The following CHD7 variants were observed in gnomAD, a reference collection of about 807,000 sequenced individuals.
CHD7 encodes ATP-dependent chromatin remodeler CHD7.
In CHD7, 24 loss-of-function variants were observed where a neutral mutation model predicts 307.3. That is an observed-to-expected ratio of 0.08 (90% CI 0.06 to 0.11). CHD7 has a LOEUF of 0.11. Ranked by LOEUF, CHD7 falls within the 10% of genes least tolerant of loss-of-function variation. CHD7 has a pLI of 1.00. For missense variants in CHD7, 3,106 were observed against 3,727.1 expected, an observed-to-expected ratio of 0.83 and a Z score of 4.34; for synonymous variants, 1,363 against 1,349.9, an observed-to-expected ratio of 1.01 and a Z score of -0.21.
chr8:60,728,761 A>G (rs912194424), intron 1 of CHD7, among the ~76,000 whole-genome samples: 1 of 152,200 alleles, frequency 6.6e-6, no homozygotes, highest in Non-Finnish European at 1.5e-5. Context: ...TCATTTTTTC[A>G]AAGAAAAATA....
chr8:60,850,452 T>G (rs766736188), intron 25 of CHD7, 41 bp from the exon 26 acceptor site: 2 of 1,573,158 alleles, frequency 1.3e-6, no homozygotes, highest in Admixed American at 1.7e-5. Flanking sequence ...GGCCTTTCTT[T>G]GTTTCTGTGT....
At chr8:60,749,370 C>CAACA (rs1809512674) in intron 2 of CHD7, among the ~76,000 whole-genome samples, 1 of 56,286 alleles carries the variant, frequency 1.8e-5, no homozygotes, top group African/African-American at 7.9e-5. Flanking sequence ...GACTCTGTAT[C>CAACA]AAAAAAAAAA....
At chr8:60,779,150 G>A (rs1352980650) in intron 2 of CHD7, among the ~76,000 whole-genome samples, 1 of 152,166 alleles carries the variant, frequency 6.6e-6, no homozygotes, top group Non-Finnish European at 1.5e-5. Flanking sequence ...AAGAAACTTT[G>A]GAAATCACCT....
At chr8:60,829,142 G>A (rs1225885651) in intron 14 of CHD7, among the ~76,000 whole-genome samples, 1 of 152,148 alleles carries the variant, frequency 6.6e-6, no homozygotes, top group Non-Finnish European at 1.5e-5. Flanking sequence ...CACTGACGTT[G>A]GTAGGCCTGT....
rs1586471545 is a variant in CHD7, at chr8:60,867,409, A to G, written c.*1476A>G. The G allele has an allele frequency of 6.6e-6, 1 of 152,242 alleles. No individual in the cohort carries two copies. Among genetic ancestry groups the G allele is most frequent in the East Asian group, 1.9e-4 (1 of 5,202 alleles). 9.4% of individuals were successfully genotyped at this position (152,242 alleles called of 1,614,324 possible). ...AAAAACCCATGTGGAATTGAAACAG[A>G]CCCACTTAAGCACGCACGCGCGCAC... On this transcript the variant is annotated 3_prime_UTR_variant, in exon 38 of 38. Coordinates refer to ENST00000423902, the MANE Select transcript of CHD7 (RefSeq NM_017780.4).
At chr8:60,705,077 G>A (rs1457593635) in intron 1 of CHD7, among the ~76,000 whole-genome samples, 2 of 152,188 alleles carry the variant, frequency 1.3e-5, no homozygotes, top group Non-Finnish European at 2.9e-5. Context: ...CAATTGAGAG[G>A]TGAGCTATAA....
chr8:60,818,308 G>A (rs1431277702), intron 8 of CHD7, among the ~76,000 whole-genome samples: 4 of 152,174 alleles, frequency 2.6e-5, no homozygotes, highest in Admixed American at 6.5e-5. Context: ...ATTTAGACTG[G>A]AAATTTCGTC....
intron 15 of CHD7, among the ~76,000 whole-genome samples, chr8:60,833,028 C>G (rs1804591964): frequency 6.6e-6 from 1 of 152,148 alleles, no homozygotes; most frequent in African/African-American, 2.4e-5. Flanking sequence ...ACGCAGCTGC[C>G]CAGATAACTT....
intron 23 of CHD7, among the ~76,000 whole-genome samples, 158 bp from the exon 24 acceptor site, chr8:60,848,357 G>A (rs918245903): frequency 2.0e-5 from 3 of 152,228 alleles, no homozygotes; most frequent in African/African-American, 7.2e-5. Flanking sequence ...ACACAGAGGT[G>A]ATTATGTGCC....
intron 28 of CHD7, 38 bp from the exon 29 acceptor site, chr8:60,851,981 C>G: frequency 7.1e-7 from 1 of 1,413,176 alleles, no homozygotes; most frequent in East Asian, 2.4e-5. Context: ...TGCAAGATTG[C>G]AGCTACACAT....
chr8:60,817,358 C>T (rs1803798211), intron 8 of CHD7, among the ~76,000 whole-genome samples: 2 of 152,126 alleles, frequency 1.3e-5, no homozygotes, highest in Admixed American at 1.3e-4. Flanking sequence ...GTACTGCCAC[C>T]CCTTTTTGGA....
chr8:60,866,050 CAAAA>C lies in CHD7; in HGVS notation c.*124_*127del, dbSNP rs11322994. 1.9e-5 allele frequency: 16 copies of C among 823,050 alleles called. No individual in the cohort carries two copies. The highest frequency in any genetic ancestry group is 1.8e-4 in the Admixed American group (6 of 32,690). 51.0% of individuals were successfully genotyped at this position (823,050 alleles called of 1,614,324 possible). The stretch of plus-strand genomic sequence containing the variant: ...TAAGCTGTTCTGTAACATAGTGTAG[CAAAA>C]AAAAAAGTTCAAGTCATGTTATACA... On this transcript the variant is annotated 3_prime_UTR_variant, in exon 38 of 38. Transcript: ENST00000423902.
At position 60,852,012 on chromosome 8, in the gene CHD7, T is replaced by G; in HGVS notation, c.5666-7T>G. Reference sequence around the variant, plus strand: ...CACATTTCAAAAATGTTTTTCCACTTCCCCAGGCAAGCACAGTGAGAGTAA... The same window carrying G: ...CACATTTCAAAAATGTTTTTCCACTGCCCCAGGCAAGCACAGTGAGAGTAA... On this transcript the variant is annotated splice_region_variant and splice_polypyrimidine_tract_variant and intron_variant, in intron 28 of 37. Transcript: ENST00000423902. 6.3e-7 allele frequency: 1 copy of G among 1,597,548 alleles called. No individual in the cohort carries two copies. The highest frequency in any genetic ancestry group is 2.2e-5 in the East Asian group (1 of 44,570).
chr8:60,733,445 T>C (rs1315346603), intron 1 of CHD7, among the ~76,000 whole-genome samples: 1 of 152,150 alleles, frequency 6.6e-6, no homozygotes, highest in Non-Finnish European at 1.5e-5. Context: ...GCTGGACATA[T>C]TTTCTTAGTG....
chr8:60,690,201 A>C (rs1233288154), intron 1 of CHD7, among the ~76,000 whole-genome samples: 1 of 152,186 alleles, frequency 6.6e-6, no homozygotes, highest in Admixed American at 6.5e-5. Context: ...GGGATTAAAA[A>C]AAAAAAAATC....
chr8:60,767,782 G>A (rs2054666), intron 2 of CHD7, among the ~76,000 whole-genome samples: 118,429 of 152,186 alleles, frequency 0.78, 46,358 homozygotes, highest in East Asian at 0.94. Context: ...TTCGTGGTTT[G>A]TTTGCTGTGG....
At chr8:60,688,973 A>G (rs1429238898) in intron 1 of CHD7, among the ~76,000 whole-genome samples, 1 of 152,134 alleles carries the variant, frequency 6.6e-6, no homozygotes, top group Non-Finnish European at 1.5e-5. Flanking sequence ...AAATGGGAGT[A>G]GGCTTGGGTT....
chr8:60,826,570 T>C (rs555561487), intron 13 of CHD7, among the ~76,000 whole-genome samples: 114 of 152,362 alleles, frequency 7.5e-4, no homozygotes, highest in Non-Finnish European at 1.6e-3. Context: ...CTAGACTCAG[T>C]TGCGATGAAA....
Position 60,865,350 on chromosome 8 carries a change from C to T in CHD7, c.8411C>T (p.Ala2804Val), listed in dbSNP as rs770781688. The T allele has an allele frequency of 3.7e-6, 6 of 1,610,378 alleles. No homozygotes were observed. The highest frequency in any genetic ancestry group is 2.2e-5 in the South Asian group (2 of 90,652). Residue 2804 changes from alanine (A) to valine (V), a missense_variant, in exon 38 of 38, where the codon GCG (alanine) becomes GTG (valine). By Grantham distance (64) the Ala-to-Val change is moderately conservative. This residue lies in a region of CHD7 where 351 missense variants were observed against 366.2 expected (regional missense o/e 0.96). Coordinates refer to ENST00000423902, the MANE Select transcript of CHD7 (RefSeq NM_017780.4). This position sits in a 1 kb window ranked among gnomAD's most constrained non-coding sequence, Gnocchi z 4.3. ...CTGCCCCTGATGCTGCCAGGAATGG[C>T]GGGCCTGCCCAACGTGTTTGGCTTG... ...AVLPLMLPGM[A>V]GLPNVFGLGG... is the part of the protein sequence containing the mutation.
Sources: gnomAD v4.1 joint callset for allele counts (sites outside exome capture counted in the v4.1 genomes callset) on GRCh38, gnomAD v4.1.1 for gene constraint, gnomAD v4.1.1 regional missense constraint, Gnocchi (gnomAD v3.1) non-coding constraint, MANE v1.5 for transcripts, NCBI Gene and HGNC (gene_info 2026-07-23, HGNC 2026-07-21) for gene names.